The following ITPR2 variants were observed in gnomAD, a reference collection of about 807,000 sequenced individuals.
ITPR2 encodes the protein inositol 1,4,5-trisphosphate receptor type 2.
A neutral mutation model predicts 317.1 loss-of-function variants in ITPR2; 207 were observed. The ratio of observed to expected loss-of-function variants is 0.65; its 90% CI spans 0.58 to 0.73. The LOEUF is 0.73. Ranked by LOEUF, ITPR2 falls within the 30% of genes least tolerant of loss-of-function variation. The pLI is 0.00. For synonymous variants in ITPR2, 1,156 were observed against 1,149.1 expected (o/e 1.01, Z -0.12); for missense variants, 2,613 against 3,284.0 (o/e 0.80, Z 4.99).
rs2306678 is a variant in ITPR2, at chr12:26,481,062, C to T, written c.6123+69G>A. 5,280 of 838,408 alleles carry T rather than the reference C, an allele frequency of 6.3e-3. 295 individuals carry two copies. The East Asian group carries it at 0.12, about 19-fold the overall frequency. 51.9% of individuals were successfully genotyped at this position (838,408 alleles called of 1,614,324 possible). On this transcript the variant is annotated intron_variant, in intron 43 of 56. Transcript: ENST00000381340. ...TGAAAACATGATAATATGCTTTTGA[C>T]AAGAGCTGCTTGAAGATTGTACTAT...
chr12:26,454,190 G>GT (rs1367600908), intron 45 of ITPR2, among the ~76,000 whole-genome samples: 3 of 152,206 alleles, frequency 2.0e-5, no homozygotes, highest in African/African-American at 7.2e-5. Flanking sequence ...GAAATGTGGT[G>GT]TTTTTTGTTT....
At chr12:26,696,655 T>G (rs946341624) in intron 9 of ITPR2, among the ~76,000 whole-genome samples, 1 of 152,136 alleles carries the variant, frequency 6.6e-6, no homozygotes, top group South Asian at 2.1e-4. Context: ...TGATGCTAAT[T>G]ATAAAGTAGA....
Position 26,743,736 on chromosome 12 carries a change from A to G in ITPR2, c.164-17971T>C, listed in dbSNP as rs186800020. Among the ~76,000 whole-genome samples, 243 of 152,280 alleles carry G rather than the reference A, an allele frequency of 1.6e-3. 2 individuals are homozygous for G. In the Middle Eastern group the frequency reaches 0.031, roughly 19 times the overall value. ...GAGAAACCCCGTCTCTACTAAAAAT[A>G]CAAAATTAGCTGGGCATGGTGGCAC... On this transcript the variant is annotated intron_variant, in intron 2 of 56. Coordinates refer to ENST00000381340, the MANE Select transcript of ITPR2 (RefSeq NM_002223.4).
At position 26,420,278 on chromosome 12, in the gene ITPR2, T is replaced by A. The variant is rs1186360227; in HGVS notation, c.6946-1065A>T. ...GCTCTTCCTAATTGTTCCGAGTTCT[T>A]TAGGTTATCTACTGGAACCATATTT... On this transcript the variant is annotated intron_variant, in intron 49 of 56. Coordinates refer to ENST00000381340, the MANE Select transcript of ITPR2 (RefSeq NM_002223.4). 2.0e-5 allele frequency among the ~76,000 whole-genome samples: 3 copies of A among 152,284 alleles called. No individual in the cohort carries two copies. The East Asian group carries it at 5.8e-4, about 29-fold the overall frequency.
rs190435018 is a variant in ITPR2, at chr12:26,499,259, T to C, written c.5074-3999A>G. The stretch of plus-strand genomic sequence containing the variant: ...ATAATCACAGTGCCTATCAGATTCA[T>C]AGACATCAAAATCAAACGAGTAACA... On this transcript the variant is annotated intron_variant, in intron 37 of 56. Transcript: ENST00000381340. Among the ~76,000 whole-genome samples, 9 of 152,372 alleles carry C rather than the reference T, an allele frequency of 5.9e-5. No homozygotes were observed. In the East Asian group the frequency reaches 1.2e-3, roughly 20 times the overall value.
intron 37 of ITPR2, among the ~76,000 whole-genome samples, chr12:26,546,619 C>T (rs1028899450): frequency 3.3e-5 from 5 of 152,052 alleles, no homozygotes; most frequent in South Asian, 4.2e-4. Flanking sequence ...AAGAACAAAG[C>T]TGGAGGCATC....
chr12:26,556,566 T>TTTTGTGTG (rs370599538), intron 35 of ITPR2, among the ~76,000 whole-genome samples, 191 bp from the exon 36 acceptor site: 1,843 of 136,184 alleles, frequency 0.014, 31 homozygotes, highest in South Asian at 0.028. Context: ...ATTTTTTTTT[T>TTTTGTGTG]TGTGTGTGTG....
At chr12:26,617,238 G>T (rs915362476) in intron 26 of ITPR2, among the ~76,000 whole-genome samples, 4 of 151,856 alleles carry the variant, frequency 2.6e-5, no homozygotes, top group Non-Finnish European at 5.9e-5. Context: ...AACATACAAA[G>T]AATGAAAAAG....
intron 13 of ITPR2, among the ~76,000 whole-genome samples, chr12:26,669,633 T>C (rs758409179): frequency 2.6e-4 from 39 of 152,228 alleles, no homozygotes; most frequent in Admixed American, 3.9e-4. Context: ...AGAAGACCGG[T>C]GATTTCTGCA....
At chr12:26,585,569 T>G (rs763805857) in intron 32 of ITPR2, among the ~76,000 whole-genome samples, 1 of 152,214 alleles carries the variant, frequency 6.6e-6, no homozygotes, top group South Asian at 2.1e-4. Flanking sequence ...AACACCCGAC[T>G]AATTTTTGTA....
intron 55 of ITPR2, among the ~76,000 whole-genome samples, chr12:26,357,941 G>T (rs1279256431): frequency 2.6e-5 from 4 of 152,228 alleles, no homozygotes; most frequent in African/African-American, 9.6e-5. Flanking sequence ...AACTGTTGCT[G>T]CTCAGAGACC....
At chr12:26,526,052 C>T (rs369830790) in intron 37 of ITPR2, among the ~76,000 whole-genome samples, 3 of 152,170 alleles carry the variant, frequency 2.0e-5, no homozygotes, top group South Asian at 4.1e-4. Flanking sequence ...CTCACCCAGA[C>T]GAGAAGGTCC....
At chr12:26,457,072 GC>G (rs1941906995) in intron 45 of ITPR2, among the ~76,000 whole-genome samples, 1 of 152,186 alleles carries the variant, frequency 6.6e-6, no homozygotes, top group African/African-American at 2.4e-5. Context: ...CAAAGCTCCT[GC>G]CCTCCTAGAG....
chr12:26,345,161 T>A (rs1031460457), intron 55 of ITPR2, among the ~76,000 whole-genome samples: 6 of 152,262 alleles, frequency 3.9e-5, no homozygotes, highest in African/African-American at 1.4e-4. Flanking sequence ...GCTTTACATT[T>A]CTCACTGCAA....
intron 16 of ITPR2, 91 bp from the exon 17 acceptor site, chr12:26,658,221 AAACTT>A: frequency 1.2e-6 from 1 of 854,994 alleles, no homozygotes; most frequent in Non-Finnish European, 1.6e-6. Flanking sequence ...ATAATAAAAT[AAACTT>A]ATTATATGTT....
intron 1 of ITPR2, among the ~76,000 whole-genome samples, chr12:26,819,953 C>T (rs937804464): frequency 6.6e-6 from 1 of 152,046 alleles, no homozygotes; most frequent in African/African-American, 2.4e-5. Context: ...AGCCTGTAGT[C>T]GCAGCTACTC....
intron 37 of ITPR2, among the ~76,000 whole-genome samples, chr12:26,522,677 G>A (rs1458458192): frequency 5.9e-5 from 9 of 152,286 alleles, no homozygotes; most frequent in Non-Finnish European, 1.2e-4. Context: ...AATCTCACAC[G>A]TCATTTAGAT....
chr12:26,592,912 A>G (rs1266642487), intron 32 of ITPR2, among the ~76,000 whole-genome samples: 1 of 152,246 alleles, frequency 6.6e-6, no homozygotes, highest in East Asian at 1.9e-4. Context: ...GGATGATGTT[A>G]CCAACTCTCT....
At position 26,771,386 on chromosome 12, in the gene ITPR2, G is replaced by A. The variant is rs183123126; in HGVS notation, c.163+18771C>T. On this transcript the variant is annotated intron_variant, in intron 2 of 56. Transcript: ENST00000381340. The stretch of plus-strand genomic sequence containing the variant: ...AACAACCTTGGAAGCCACGTGCTGC[G>A]AATGACAGAGCTGCCAAGATGGTCC... Among the ~76,000 whole-genome samples the A allele has an allele frequency of 4.5e-4, 68 of 152,280 alleles. 1 individual carries two copies. In the East Asian group the frequency reaches 5.0e-3, roughly 11 times the overall value.
Sources: gnomAD v4.1 joint callset for allele counts (sites outside exome capture counted in the v4.1 genomes callset) on GRCh38, gnomAD v4.1.1 for gene constraint, MANE v1.5 for transcripts, NCBI Gene and HGNC (gene_info 2026-07-23, HGNC 2026-07-21) for gene names.